Variants in MYO16 observed in about 807,000 individuals in gnomAD.
MYO16 encodes unconventional myosin-XVI.
MYO16 carries 94 observed loss-of-function variants against 205.3 expected under a neutral mutation model. That is an observed-to-expected ratio of 0.46 (90% CI 0.39 to 0.54). MYO16 has a LOEUF of 0.54. MYO16 is among the 20% of genes least tolerant of loss of function. The probability of loss-of-function intolerance (pLI) is 0.00; values close to 1 mark genes in which losing one functional copy is unlikely to be tolerated. For synonymous variants in MYO16, 988 were observed against 954.0 expected (o/e 1.04, Z -0.66); for missense variants, 2,315 against 2,387.5 (o/e 0.97, Z 0.63).
intron 1 of MYO16, among the ~76,000 whole-genome samples, chr13:108,640,935 G>A (rs114425411): frequency 0.017 from 2,512 of 152,234 alleles, 62 homozygotes; most frequent in African/African-American, 0.058. Flanking sequence ...AGCCTTCTTG[G>A]CAGTACTATG....
intron 1 of MYO16, among the ~76,000 whole-genome samples, chr13:108,652,815 A>G (rs1444569502): frequency 6.6e-6 from 1 of 152,190 alleles, no homozygotes; most frequent in Non-Finnish European, 1.5e-5. Context: ...ATCTGCTTCC[A>G]CTTCTTGGCA....
chr13:109,094,094 G>C (rs1236824487), intron 27 of MYO16, among the ~76,000 whole-genome samples: 3 of 152,144 alleles, frequency 2.0e-5, no homozygotes, highest in Non-Finnish European at 2.9e-5. Flanking sequence ...ACTCCACCGG[G>C]ACTACAGTTC....
intron 2 of MYO16, among the ~76,000 whole-genome samples, chr13:108,671,830 T>A (rs1463315824): frequency 6.6e-6 from 1 of 152,154 alleles, no homozygotes; most frequent in Admixed American, 6.5e-5. Context: ...TCTCTTCTTT[T>A]AAGAGCACTA....
chr13:108,959,166 C>G (rs1430244992), intron 17 of MYO16, among the ~76,000 whole-genome samples: 3 of 152,098 alleles, frequency 2.0e-5, no homozygotes, highest in African/African-American at 7.2e-5. Flanking sequence ...ACTCGAGGAG[C>G]CTGCAATCAC....
chr13:108,899,248 A>T (rs1316115756), intron 15 of MYO16, among the ~76,000 whole-genome samples: 1 of 151,914 alleles, frequency 6.6e-6, no homozygotes, highest in Non-Finnish European at 1.5e-5. Context: ...ACATGGAGAA[A>T]CCCCGTCTCT....
chr13:108,504,714 T>A, the MYO16 span, among the ~76,000 whole-genome samples: 2 of 151,710 alleles, frequency 1.3e-5, no homozygotes, highest in Admixed American at 6.6e-5. Flanking sequence ...TTTTGTATTT[T>A]TAGTAGAGAC....
chr13:108,952,111 CAATAAATAAATA>C (rs142142365), intron 16 of MYO16, among the ~76,000 whole-genome samples: 15,289 of 138,540 alleles, frequency 0.11, 900 homozygotes, highest in Middle Eastern at 0.23. Context: ...GACTCCATCT[CAATAAATAAATA>C]AATAAATAAA....
At chr13:109,118,238 A>G (rs527614011) in intron 28 of MYO16, among the ~76,000 whole-genome samples, 1 of 152,308 alleles carries the variant, frequency 6.6e-6, no homozygotes, top group South Asian at 2.1e-4. Flanking sequence ...AATTGCCAGA[A>G]TCTGCTCACT....
chr13:108,839,561 T>C (rs766795129), intron 9 of MYO16, among the ~76,000 whole-genome samples: 1 of 152,170 alleles, frequency 6.6e-6, no homozygotes, highest in Non-Finnish European at 1.5e-5. Flanking sequence ...ATTTAAAGAA[T>C]CATATCATTC....
At chr13:108,553,227 A>G in the MYO16 span, among the ~76,000 whole-genome samples, 10 of 151,582 alleles carry the variant, frequency 6.6e-5, no homozygotes, top group African/African-American at 2.4e-4. Context: ...TCCTGACCTC[A>G]TGATCCCCCT....
chr13:108,822,183 A>C (rs1375524071), intron 8 of MYO16, among the ~76,000 whole-genome samples: 6 of 152,196 alleles, frequency 3.9e-5, no homozygotes, highest in Admixed American at 3.3e-4. Context: ...TTTATGAAAA[A>C]AATCTGTGGG....
chr13:109,128,283 G>A (rs1008515649), intron 31 of MYO16, among the ~76,000 whole-genome samples: 3 of 152,106 alleles, frequency 2.0e-5, no homozygotes, highest in Non-Finnish European at 4.4e-5. Context: ...CAAAACAGAT[G>A]GTAAACATAA....
chr13:108,640,180 G>C (rs1880439837), intron 1 of MYO16, among the ~76,000 whole-genome samples: 1 of 152,180 alleles, frequency 6.6e-6, no homozygotes, highest in African/African-American at 2.4e-5. Flanking sequence ...GCAGATAAAG[G>C]ATGAGTGGTT....
At position 108,646,981 on chromosome 13, in the gene MYO16, T is replaced by C. The variant is rs147474333; in HGVS notation, c.28+17109T>C. On this transcript the variant is annotated intron_variant, in intron 1 of 34. Transcript: ENST00000457511. The stretch of plus-strand genomic sequence containing the variant: ...GTCAGCGAACACTATATATATGTAC[T>C]CTGATACATATGAATTGATAATTGA... Among the ~76,000 whole-genome samples, 419 of 152,292 alleles carry C rather than the reference T, an allele frequency of 2.8e-3. 1 individual carries two copies. The highest frequency in any genetic ancestry group is 9.7e-3 in the African/African-American group (402 of 41,562).
chr13:108,522,793 T>C, the MYO16 span, among the ~76,000 whole-genome samples: 2 of 152,062 alleles, frequency 1.3e-5, no homozygotes, highest in Non-Finnish European at 2.9e-5. Context: ...TGTCTGTGTG[T>C]CTGTCTGTCT....
At chr13:108,937,292 G>C (rs1882532562) in intron 16 of MYO16, among the ~76,000 whole-genome samples, 1 of 151,418 alleles carries the variant, frequency 6.6e-6, no homozygotes, top group Non-Finnish European at 1.5e-5. Context: ...CTGGCTTTCA[G>C]ATTTTTTTTT....
chr13:108,915,990 A>G (rs1881480987), intron 16 of MYO16, among the ~76,000 whole-genome samples: 1 of 152,176 alleles, frequency 6.6e-6, no homozygotes, highest in Admixed American at 6.5e-5. Context: ...CTTATTATGA[A>G]CAGGGAACCT....
At position 108,942,956 on chromosome 13, in the gene MYO16, A is replaced by C. The variant is rs185691387; in HGVS notation, c.1926-14732A>C. ...AGTCTAAAATTTAACATCTTCTGTG[A>C]GTAACAGGAGGGTAGGAACCTTGCT... On this transcript the variant is annotated intron_variant, in intron 16 of 34. Coordinates refer to ENST00000457511, the MANE Select transcript of MYO16 (RefSeq NM_001198950.3). Among the ~76,000 whole-genome samples, 805 of 152,318 alleles carry C rather than the reference A, an allele frequency of 5.3e-3. 6 individuals are homozygous for C. Among genetic ancestry groups the C allele is most frequent in the Admixed American group, 0.011 (173 of 15,292 alleles).
the MYO16 span, among the ~76,000 whole-genome samples, chr13:108,522,766 T>G: frequency 6.7e-6 from 1 of 149,654 alleles, no homozygotes; most frequent in South Asian, 2.1e-4. Context: ...GTGTGTGTGT[T>G]TGTGTGTGTG....
Sources: allele counts gnomAD v4.1 joint callset (sites outside exome capture counted in the v4.1 genomes callset), GRCh38; gene constraint gnomAD v4.1.1; transcripts MANE v1.5; gene names NCBI Gene and HGNC (gene_info 2026-07-23, HGNC 2026-07-21).